Variants in HS3ST4 observed in about 807,000 individuals in gnomAD.
HS3ST4 encodes heparan sulfate-glucosamine 3-sulfotransferase 4.
A neutral mutation model predicts 29.2 loss-of-function variants in HS3ST4; 17 were observed. The ratio of observed to expected loss-of-function variants is 0.58; its 90% CI spans 0.40 to 0.87. The LOEUF (loss-of-function observed/expected upper bound fraction) is 0.87, where lower values mean the gene tolerates loss of function less well. Among genes scored for constraint, HS3ST4 ranks in the 40% least tolerant of loss-of-function variants. The pLI is 0.00. For synonymous variants in HS3ST4, 314 were observed against 285.7 expected, an observed-to-expected ratio of 1.10 and a Z score of -1.00; for missense variants, 627 against 634.5, an observed-to-expected ratio of 0.99 and a Z score of 0.13.
chr16:25,863,127 T>C (rs895672330), intron 1 of HS3ST4, among the ~76,000 whole-genome samples: 1 of 152,334 alleles, frequency 6.6e-6, no homozygotes, highest in East Asian at 1.9e-4. Context: ...TTGATTTGCA[T>C]ATCTTGGAAT....
intron 1 of HS3ST4, among the ~76,000 whole-genome samples, chr16:25,823,375 A>G (rs1347195659): frequency 6.6e-6 from 1 of 152,162 alleles, no homozygotes; most frequent in Non-Finnish European, 1.5e-5. Flanking sequence ...TCCTACGATA[A>G]TGACTGCTTA....
At chr16:26,080,967 C>T (rs1898716846) in intron 1 of HS3ST4, among the ~76,000 whole-genome samples, 1 of 152,164 alleles carries the variant, frequency 6.6e-6, no homozygotes, top group East Asian at 1.9e-4. Flanking sequence ...TACAGTCAGA[C>T]TCCACCCCAG....
chr16:25,934,111 A>C (rs1448144432), intron 1 of HS3ST4, among the ~76,000 whole-genome samples: 1 of 152,162 alleles, frequency 6.6e-6, no homozygotes, highest in Non-Finnish European at 1.5e-5. Flanking sequence ...CTTCTCAGGC[A>C]GATATGTTTT....
chr16:25,814,360 G>A (rs892255604), intron 1 of HS3ST4, among the ~76,000 whole-genome samples: 9 of 151,692 alleles, frequency 5.9e-5, no homozygotes, highest in Admixed American at 1.3e-4. Flanking sequence ...TGGCGGGGGC[G>A]GGGGGAGATG....
intron 1 of HS3ST4, among the ~76,000 whole-genome samples, chr16:25,994,776 A>ATGT (rs1969144696): frequency 6.6e-6 from 1 of 152,190 alleles, no homozygotes; most frequent in South Asian, 2.1e-4. Flanking sequence ...TATCTCACGA[A>ATGT]AGCTCTTCTA....
intron 1 of HS3ST4, among the ~76,000 whole-genome samples, chr16:26,125,795 C>T (rs1218315585): frequency 6.6e-6 from 1 of 152,212 alleles, no homozygotes; most frequent in Non-Finnish European, 1.5e-5. Flanking sequence ...TGAGCACTCA[C>T]AGGCATCCTC....
chr16:25,786,958 T>C (rs1966858620), intron 1 of HS3ST4, among the ~76,000 whole-genome samples: 1 of 152,246 alleles, frequency 6.6e-6, no homozygotes, highest in South Asian at 2.1e-4. Context: ...GCTTCTGACA[T>C]GTATCAAGAA....
chr16:26,024,491 G>A (rs559214298), intron 1 of HS3ST4, among the ~76,000 whole-genome samples: 3 of 152,230 alleles, frequency 2.0e-5, no homozygotes, highest in African/African-American at 7.2e-5. Flanking sequence ...CATCACTTTA[G>A]GAGGCTGAGG....
chr16:25,747,256 C>G (rs1220032823), intron 1 of HS3ST4, among the ~76,000 whole-genome samples: 4 of 152,202 alleles, frequency 2.6e-5, no homozygotes, highest in Non-Finnish European at 4.4e-5. Context: ...CTCCTCTTTC[C>G]ATAGATTTCT....
chr16:26,056,840 A>G (rs1898413933), intron 1 of HS3ST4, among the ~76,000 whole-genome samples: 1 of 152,220 alleles, frequency 6.6e-6, no homozygotes, highest in Non-Finnish European at 1.5e-5. Context: ...TAAATATCCT[A>G]GCAATGACAA....
At chr16:25,975,293 G>A (rs191398748) in intron 1 of HS3ST4, among the ~76,000 whole-genome samples, 7 of 151,980 alleles carry the variant, frequency 4.6e-5, no homozygotes, top group African/African-American at 1.7e-4. Context: ...CCTATTAGAG[G>A]GGGAAGGGAG....
chr16:25,722,930 T>G (rs916497030), intron 1 of HS3ST4, among the ~76,000 whole-genome samples: 1 of 152,180 alleles, frequency 6.6e-6, no homozygotes, highest in Admixed American at 6.5e-5. Context: ...TTTAATGGAC[T>G]CACAGTTCCA....
chr16:26,103,418 G>T (rs1271258163), intron 1 of HS3ST4, among the ~76,000 whole-genome samples: 1 of 152,100 alleles, frequency 6.6e-6, no homozygotes, highest in East Asian at 1.9e-4. Flanking sequence ...GAAACAATCT[G>T]GATCTGGAGC....
chr16:25,810,714 G>A (rs902695907), intron 1 of HS3ST4, among the ~76,000 whole-genome samples: 1 of 152,132 alleles, frequency 6.6e-6, no homozygotes, highest in African/African-American at 2.4e-5. Context: ...AATATTCCCT[G>A]AATGACTTAG....
intron 1 of HS3ST4, among the ~76,000 whole-genome samples, chr16:26,130,822 C>T (rs915334634): frequency 6.6e-6 from 1 of 152,312 alleles, no homozygotes; most frequent in East Asian, 1.9e-4. Context: ...GGAACTTGAA[C>T]ACAGGACATA....
At chr16:25,976,777 A>G (rs1159335864) in intron 1 of HS3ST4, among the ~76,000 whole-genome samples, 2 of 152,194 alleles carry the variant, frequency 1.3e-5, no homozygotes, top group Admixed American at 1.3e-4. Context: ...GAGATAATAC[A>G]TATTATTGGC....
chr16:25,864,285 C>A (rs1288053173), intron 1 of HS3ST4, among the ~76,000 whole-genome samples: 1 of 152,200 alleles, frequency 6.6e-6, no homozygotes, highest in Non-Finnish European at 1.5e-5. Context: ...ACACATCCAT[C>A]ACCTTAGATA....
intron 1 of HS3ST4, among the ~76,000 whole-genome samples, chr16:25,897,193 G>A (rs1431512019): frequency 6.6e-6 from 1 of 152,162 alleles, no homozygotes; most frequent in Non-Finnish European, 1.5e-5. Context: ...AGTAGCTCAC[G>A]TGTGTAATCC....
chr16:26,008,278 T>C (rs2141737841), intron 1 of HS3ST4, among the ~76,000 whole-genome samples: 1 of 152,216 alleles, frequency 6.6e-6, no homozygotes, highest in Middle Eastern at 3.4e-3. Context: ...CTAGGGGAGT[T>C]ACTTGGAGAT....
Sources: gnomAD v4.1 joint callset for allele counts (sites outside exome capture counted in the v4.1 genomes callset) on GRCh38, gnomAD v4.1.1 for gene constraint, MANE v1.5 for transcripts, NCBI Gene and HGNC (gene_info 2026-07-23, HGNC 2026-07-21) for gene names.